The following CNTN5 variants were observed in gnomAD, a reference collection of about 807,000 sequenced individuals.
CNTN5 encodes contactin-5.
CNTN5 carries 77 observed loss-of-function variants against 129.1 expected under a neutral mutation model. The ratio of observed to expected loss-of-function variants is 0.60; its 90% CI spans 0.50 to 0.72. CNTN5 has a LOEUF of 0.72. CNTN5 is among the 30% of genes least tolerant of loss of function. The pLI is 0.00. For synonymous variants in CNTN5, 509 were observed against 465.6 expected (o/e 1.09, Z -1.20); for missense variants, 1,478 against 1,328.8 (o/e 1.11, Z -1.75).
chr11:100,061,643 A>C (rs1350862115), intron 10 of CNTN5, among the ~76,000 whole-genome samples: 2 of 152,160 alleles, frequency 1.3e-5, no homozygotes, highest in South Asian at 4.1e-4. Context: ...AAAATGAGCT[A>C]TTTCCCTGGC....
intron 3 of CNTN5, among the ~76,000 whole-genome samples, chr11:99,674,920 G>A (rs1953207236): frequency 6.6e-6 from 1 of 152,020 alleles, no homozygotes; most frequent in African/African-American, 2.4e-5. Flanking sequence ...CCATCTTTGG[G>A]TAGATCTGTG....
At chr11:99,950,988 A>G (rs1950660320) in intron 7 of CNTN5, among the ~76,000 whole-genome samples, 1 of 152,204 alleles carries the variant, frequency 6.6e-6, no homozygotes, top group Admixed American at 6.5e-5. Context: ...AAGATGATTA[A>G]AATAATAATA....
chr11:100,269,657 A>G (rs1950372560), intron 17 of CNTN5, among the ~76,000 whole-genome samples: 1 of 152,192 alleles, frequency 6.6e-6, no homozygotes. Context: ...TTTGCTAATG[A>G]CAGATCATAA....
chr11:99,452,324 A>C (rs989053434), intron 2 of CNTN5, among the ~76,000 whole-genome samples: 3 of 150,616 alleles, frequency 2.0e-5, no homozygotes, highest in Admixed American at 1.3e-4. Context: ...TGACAGTCTG[A>C]ATTTTCTCAG....
chr11:99,063,222 G>A (rs932328883), intron 1 of CNTN5, among the ~76,000 whole-genome samples: 3 of 152,022 alleles, frequency 2.0e-5, no homozygotes, highest in Non-Finnish European at 4.4e-5. Context: ...ATTTAATAAT[G>A]GGAAGATGAC....
intron 2 of CNTN5, among the ~76,000 whole-genome samples, chr11:99,326,943 A>T (rs1865809920): frequency 6.6e-6 from 1 of 152,144 alleles, no homozygotes; most frequent in Admixed American, 6.6e-5. Context: ...ACAAAATAAT[A>T]ATAATAATCT....
intron 1 of CNTN5, among the ~76,000 whole-genome samples, chr11:99,289,276 T>G (rs1864071711): frequency 6.6e-6 from 1 of 151,818 alleles, no homozygotes; most frequent in Non-Finnish European, 1.5e-5. Context: ...TCTTTATTTT[T>G]TATTGAAGCC....
intron 1 of CNTN5, among the ~76,000 whole-genome samples, chr11:99,046,877 T>C (rs1864232532): frequency 6.6e-6 from 1 of 152,222 alleles, no homozygotes; most frequent in South Asian, 2.1e-4. Flanking sequence ...GTTTAGCATT[T>C]TAAGATAAAG....
chr11:100,317,138 G>T (rs1951587298), intron 21 of CNTN5, among the ~76,000 whole-genome samples: 1 of 152,166 alleles, frequency 6.6e-6, no homozygotes. Flanking sequence ...TGTCGTGGTG[G>T]GGATTCCTTC....
intron 1 of CNTN5, among the ~76,000 whole-genome samples, chr11:99,168,636 T>A (rs1314726090): frequency 6.6e-6 from 1 of 151,522 alleles, no homozygotes; most frequent in Non-Finnish European, 1.5e-5. Context: ...GGCTAGAAAT[T>A]CTGAATATAT....
chr11:99,593,515 G>GA (rs1426952339), intron 3 of CNTN5, among the ~76,000 whole-genome samples: 1 of 152,100 alleles, frequency 6.6e-6, no homozygotes, highest in Non-Finnish European at 1.5e-5. Context: ...TGCTATGACA[G>GA]AATAGTAATT....
chr11:99,938,379 A>G (rs1950361829), intron 7 of CNTN5, among the ~76,000 whole-genome samples: 1 of 152,184 alleles, frequency 6.6e-6, no homozygotes, highest in Non-Finnish European at 1.5e-5. Context: ...AATATCTGAC[A>G]CATAGTAAGT....
chr11:100,309,807 A>G (rs1436495360), intron 21 of CNTN5: 6 of 505,856 alleles, frequency 1.2e-5, no homozygotes, highest in Non-Finnish European at 1.5e-5. Flanking sequence ...GCCTCCTCCA[A>G]CTGCTGTGAG....
intron 1 of CNTN5, among the ~76,000 whole-genome samples, chr11:99,195,485 C>T (rs1199305046): frequency 6.6e-6 from 1 of 152,020 alleles, no homozygotes; most frequent in Non-Finnish European, 1.5e-5. Context: ...CTCCTTTATA[C>T]TGAATTCCTG....
At chr11:99,295,673 G>A (rs996873425) in intron 1 of CNTN5, among the ~76,000 whole-genome samples, 23 of 151,456 alleles carry the variant, frequency 1.5e-4, no homozygotes, top group African/African-American at 4.8e-4. Flanking sequence ...TCAGGAGATC[G>A]AGACCATCCT....
intron 3 of CNTN5, among the ~76,000 whole-genome samples, chr11:99,699,279 T>C (rs1006506475): frequency 2.6e-5 from 4 of 151,564 alleles, no homozygotes; most frequent in African/African-American, 9.7e-5. Context: ...TTGCTACTTA[T>C]ATTTAATGTT....
At chr11:100,272,616 A>C (rs1950427059) in intron 18 of CNTN5, among the ~76,000 whole-genome samples, 1 of 152,074 alleles carries the variant, frequency 6.6e-6, no homozygotes, top group South Asian at 2.1e-4. Flanking sequence ...AGAGGACTAG[A>C]GTGCTCCTAA....
intron 7 of CNTN5, among the ~76,000 whole-genome samples, chr11:99,916,589 A>G (rs1949795296): frequency 6.6e-6 from 1 of 152,132 alleles, no homozygotes; most frequent in Admixed American, 6.5e-5. Context: ...ACTTCTAAGA[A>G]ATGCTTTTTT....
chr11:100,245,881 G>A (rs894590274), intron 16 of CNTN5, among the ~76,000 whole-genome samples: 1 of 151,996 alleles, frequency 6.6e-6, no homozygotes, highest in Non-Finnish European at 1.5e-5. Context: ...TGGAAAAGGG[G>A]TATCAGTACC....
Sources: allele counts gnomAD v4.1 joint callset (sites outside exome capture counted in the v4.1 genomes callset), GRCh38; gene constraint gnomAD v4.1.1; transcripts MANE v1.5; gene names NCBI Gene and HGNC (gene_info 2026-07-23, HGNC 2026-07-21).